The following SCMH1 variants were observed in gnomAD, a reference collection of about 807,000 sequenced individuals.
SCMH1 encodes the protein Scm polycomb group protein homolog 1.
Under a neutral mutation model 70.8 loss-of-function variants are expected in SCMH1, and 37 were observed. The observed-to-expected ratio is 0.52, with a 90% CI of 0.40 to 0.69. The LOEUF (loss-of-function observed/expected upper bound fraction) is 0.69, where lower values mean the gene tolerates loss of function less well. Ranked by LOEUF, SCMH1 falls within the 30% of genes least tolerant of loss-of-function variation. The pLI is 0.00. For missense variants in SCMH1, 607 were observed against 827.3 expected (o/e 0.73, Z 3.27); for synonymous variants, 292 against 307.4 (o/e 0.95, Z 0.52).
At chr1:41,120,924 T>C (rs947782221) in intron 6 of SCMH1, among the ~76,000 whole-genome samples, 3 of 152,242 alleles carry the variant, frequency 2.0e-5, no homozygotes, top group African/African-American at 7.2e-5. Flanking sequence ...TTAACATTTA[T>C]TGTACACATA....
intron 8 of SCMH1, among the ~76,000 whole-genome samples, chr1:41,096,259 T>TA (rs1329708479): frequency 6.6e-6 from 1 of 152,188 alleles, no homozygotes; most frequent in Non-Finnish European, 1.5e-5. Context: ...TTAACCTTTT[T>TA]AAAAAATAGA....
At chr1:41,039,735 A>T (rs1645847429) in intron 12 of SCMH1, among the ~76,000 whole-genome samples, 1 of 151,842 alleles carries the variant, frequency 6.6e-6, no homozygotes, top group East Asian at 1.9e-4. Context: ...CGGTCTCCCA[A>T]AGTGTTGGGA....
chr1:41,034,692 T>C (rs999118545), intron 13 of SCMH1, among the ~76,000 whole-genome samples: 2 of 152,084 alleles, frequency 1.3e-5, no homozygotes, highest in Non-Finnish European at 2.9e-5. Flanking sequence ...ACCTCACTCA[T>C]GCGTCCCTGG....
chr1:41,048,948 G>A, intron 10 of SCMH1, 58 bp from the exon 11 acceptor site: 1 of 1,469,660 alleles, frequency 6.8e-7, no homozygotes, highest in Non-Finnish European at 9.3e-7. Context: ...AGAAGTCAGA[G>A]AACAGCATCC....
At position 41,143,128 on chromosome 1, in the gene SCMH1, C is replaced by T. The variant is rs1174546330; in HGVS notation, c.178-16G>A. 6.2e-7 allele frequency: 1 copy of T among 1,603,584 alleles called. No individual in the cohort carries two copies. Among genetic ancestry groups the T allele is most frequent in the South Asian group, 1.1e-5 (1 of 90,778 alleles). ...GTGTGTAGGACTGGGAAAAACAAGG[C>T]ATGAGGTATAGACAGATTAAGAGTA... On this transcript the variant is annotated splice_polypyrimidine_tract_variant and intron_variant, in intron 5 of 14. Transcript: ENST00000337495.
At chr1:41,079,402 A>G (rs1659312285) in intron 8 of SCMH1, among the ~76,000 whole-genome samples, 1 of 152,170 alleles carries the variant, frequency 6.6e-6, no homozygotes, top group African/African-American at 2.4e-5. Flanking sequence ...CCTGAGATAC[A>G]AAGACACTCA....
chr1:41,035,418 G>C (rs1645146912), intron 13 of SCMH1, among the ~76,000 whole-genome samples: 1 of 152,170 alleles, frequency 6.6e-6, no homozygotes. Context: ...TGGCCAACTA[G>C]TCTCCAAGCA....
intron 10 of SCMH1, among the ~76,000 whole-genome samples, chr1:41,063,333 C>T (rs915845675): frequency 6.6e-6 from 1 of 151,604 alleles, no homozygotes; most frequent in Admixed American, 6.6e-5. Flanking sequence ...ATTAGCTGGG[C>T]GTGGTGGTGC....
intron 10 of SCMH1, among the ~76,000 whole-genome samples, chr1:41,064,705 GA>G (rs1653965540): frequency 6.6e-6 from 1 of 152,028 alleles, no homozygotes; most frequent in African/African-American, 2.4e-5. Flanking sequence ...TTGAGGCCAG[GA>G]ATTCAAGACC....
At chr1:41,241,259 TC>T (rs1449698703) in intron 1 of SCMH1, among the ~76,000 whole-genome samples, 1 of 152,312 alleles carries the variant, frequency 6.6e-6, no homozygotes, top group African/African-American at 2.4e-5. Flanking sequence ...TCTCTTCCAG[TC>T]AGGAGATATT....
chr1:41,143,201 A>T, intron 5 of SCMH1, 89 bp from the exon 6 acceptor site: 1 of 881,692 alleles, frequency 1.1e-6, no homozygotes, highest in Admixed American at 2.3e-5. Context: ...TAGCTGGGCC[A>T]GGGACAACCA....
chr1:41,139,548 A>G (rs892844944), intron 6 of SCMH1, among the ~76,000 whole-genome samples: 2 of 152,178 alleles, frequency 1.3e-5, no homozygotes, highest in African/African-American at 2.4e-5. Flanking sequence ...GTATTTTTTA[A>G]TAGCCTCTCA....
chr1:41,221,690 C>T (rs1267812541), intron 1 of SCMH1, among the ~76,000 whole-genome samples: 4 of 151,308 alleles, frequency 2.6e-5, no homozygotes, highest in African/African-American at 4.9e-5. Flanking sequence ...GAGTTCAAGA[C>T]CAGCCTGGCC....
intron 8 of SCMH1, among the ~76,000 whole-genome samples, chr1:41,105,381 C>G (rs913370886): frequency 2.0e-5 from 3 of 152,104 alleles, no homozygotes; most frequent in African/African-American, 7.2e-5. Context: ...GAAATGGAAT[C>G]AGAAAATATA....
At chr1:41,030,152 C>T (rs527978547) in intron 13 of SCMH1, among the ~76,000 whole-genome samples, 1 of 152,148 alleles carries the variant, frequency 6.6e-6, no homozygotes, top group African/African-American at 2.4e-5. Flanking sequence ...GAGTTCCAGG[C>T]TGCAGTGAGC....
At chr1:41,146,448 T>A (rs1402697254) in intron 5 of SCMH1, among the ~76,000 whole-genome samples, 2 of 152,128 alleles carry the variant, frequency 1.3e-5, no homozygotes, top group Non-Finnish European at 2.9e-5. Flanking sequence ...CACCACTTAC[T>A]CACTGACTCA....
chr1:41,128,590 TTATC>T (rs1436335744), intron 6 of SCMH1, among the ~76,000 whole-genome samples: 3 of 152,142 alleles, frequency 2.0e-5, no homozygotes, highest in Non-Finnish European at 4.4e-5. Context: ...ACTTTTCTCT[TTATC>T]GTGGGTTTTC....
intron 1 of SCMH1, among the ~76,000 whole-genome samples, chr1:41,228,590 C>T (rs561533576): frequency 1.3e-5 from 2 of 151,496 alleles, no homozygotes; most frequent in African/African-American, 2.4e-5. Context: ...CAAGACCAGC[C>T]CTGGCAACAT....
chr1:41,111,684 C>T (rs1304457476), intron 8 of SCMH1, among the ~76,000 whole-genome samples: 1 of 152,170 alleles, frequency 6.6e-6, no homozygotes, highest in African/African-American at 2.4e-5. Context: ...CTAGTCACAG[C>T]AGTCTGCTTT....
Sources: gnomAD v4.1 joint callset for allele counts (sites outside exome capture counted in the v4.1 genomes callset) on GRCh38, gnomAD v4.1.1 for gene constraint, MANE v1.5 for transcripts, NCBI Gene and HGNC (gene_info 2026-07-23, HGNC 2026-07-21) for gene names.